The following PCNX2 variants were observed in gnomAD, a reference collection of about 807,000 sequenced individuals.
The protein encoded by PCNX2 is pecanex-like protein 2.
A neutral mutation model predicts 223.8 loss-of-function variants in PCNX2; 168 were observed. The observed-to-expected ratio is 0.75, with a 90% CI of 0.66 to 0.85. PCNX2 has a LOEUF of 0.85. PCNX2 is among the 40% of genes least tolerant of loss of function. The probability of loss-of-function intolerance (pLI) is 0.00; values close to 1 mark genes in which losing one functional copy is unlikely to be tolerated. For missense variants in PCNX2, 2,507 were observed against 2,675.5 expected (o/e 0.94, Z 1.39); for synonymous variants, 1,006 against 1,052.6 (o/e 0.96, Z 0.86).
intron 8 of PCNX2, among the ~76,000 whole-genome samples, chr1:233,246,121 C>T (rs930935160): frequency 1.3e-5 from 2 of 152,102 alleles, no homozygotes; most frequent in South Asian, 2.1e-4. Flanking sequence ...GGGATGAATG[C>T]CCTTCAGATG....
chr1:233,306,590 T>C, the PCNX2 span, among the ~76,000 whole-genome samples: 2 of 152,222 alleles, frequency 1.3e-5, no homozygotes, highest in African/African-American at 2.4e-5. Context: ...TTTTATTGGA[T>C]TGGGAAATAT....
intron 21 of PCNX2, among the ~76,000 whole-genome samples, chr1:233,132,625 G>A (rs1428965980): frequency 6.6e-6 from 1 of 152,208 alleles, no homozygotes; most frequent in Non-Finnish European, 1.5e-5. Flanking sequence ...TGACAGTTCA[G>A]TGTGGAAAAG....
intron 13 of PCNX2, among the ~76,000 whole-genome samples, chr1:233,207,401 C>G (rs939559953): frequency 4.0e-4 from 61 of 152,216 alleles, no homozygotes; most frequent in African/African-American, 1.5e-3. Context: ...GTAGAAGCTG[C>G]CCTTTATCAA....
rs186642276 is a variant in PCNX2 at position 233,208,804 on chromosome 1, C to T, written c.2692-115G>A. ...AACTTATACATATAACACATTTTCC[C>T]CCAAACACCACAATTCATATACAAA... On this transcript the variant is annotated intron_variant, in intron 12 of 33. Coordinates refer to ENST00000258229, the MANE Select transcript of PCNX2 (RefSeq NM_014801.4). The T allele has an allele frequency of 4.1e-5, 22 of 534,570 alleles. No individual in the cohort carries two copies. The African/African-American group carries it at 4.7e-4, about 11-fold the overall frequency. The allele number at this position is 534,570 out of a possible 1,614,324, so 33.1% of individuals were successfully genotyped here.
chr1:233,138,295 T>C (rs1277292918), intron 20 of PCNX2, among the ~76,000 whole-genome samples: 3 of 152,190 alleles, frequency 2.0e-5, no homozygotes, highest in Admixed American at 2.0e-4. Context: ...CTCTGAATTA[T>C]TTATTTGACT....
At chr1:233,261,203 C>T (rs867544292) in intron 4 of PCNX2, 82 bp downstream of exon 4, 1 of 1,254,776 alleles carries the variant, frequency 8.0e-7, no homozygotes. Flanking sequence ...TCAATTAATC[C>T]ACTGGCATTC....
intron 8 of PCNX2, among the ~76,000 whole-genome samples, chr1:233,238,139 G>A (rs1424562681): frequency 6.6e-6 from 1 of 152,116 alleles, no homozygotes; most frequent in Non-Finnish European, 1.5e-5. Context: ...ATACCTTTGG[G>A]CCTCTTGTGT....
At chr1:233,008,058 C>T (rs771535783) in intron 28 of PCNX2, among the ~76,000 whole-genome samples, 1 of 152,208 alleles carries the variant, frequency 6.6e-6, no homozygotes, top group Non-Finnish European at 1.5e-5. Flanking sequence ...AGCCACAATA[C>T]TGAAAGCACT....
intron 23 of PCNX2, among the ~76,000 whole-genome samples, chr1:233,073,899 C>T (rs747077538): frequency 3.0e-4 from 46 of 152,156 alleles, no homozygotes; most frequent in Non-Finnish European, 5.6e-4. Flanking sequence ...CAGTTATAGG[C>T]ATGAACACCA....
At chr1:233,005,612 A>G (rs79774178) in intron 28 of PCNX2, among the ~76,000 whole-genome samples, 6,594 of 152,274 alleles carry the variant, frequency 0.043, 463 homozygotes, top group African/African-American at 0.15. Context: ...TATCCACAGC[A>G]CCTTAGAGAT....
At chr1:232,987,920 C>T (rs990867665) in intron 32 of PCNX2, among the ~76,000 whole-genome samples, 1 of 152,212 alleles carries the variant, frequency 6.6e-6, no homozygotes, top group Non-Finnish European at 1.5e-5. Flanking sequence ...AAGGAGCGCT[C>T]GCCCCACAGT....
At chr1:233,248,554 G>A (rs9650971) in intron 8 of PCNX2, among the ~76,000 whole-genome samples, 11,076 of 152,042 alleles carry the variant, frequency 0.073, 1,009 homozygotes, top group African/African-American at 0.22. Context: ...GAGAGCGATG[G>A]AAATGGCAAA....
intron 25 of PCNX2, among the ~76,000 whole-genome samples, chr1:233,044,508 G>C (rs916739168): frequency 1.3e-5 from 2 of 152,074 alleles, no homozygotes; most frequent in African/African-American, 4.8e-5. Flanking sequence ...TTCCTGACAG[G>C]CTCCCCGTTT....
chr1:233,096,920 AC>A (rs2102950494), intron 21 of PCNX2, among the ~76,000 whole-genome samples: 1 of 152,264 alleles, frequency 6.6e-6, no homozygotes, highest in East Asian at 1.9e-4. Context: ...AGATGAGGTG[AC>A]CCTGATTTGT....
In PCNX2 at chr1:233,198,962, C is replaced by A; in HGVS notation, c.3043G>T (p.Ala1015Ser). The A allele has an allele frequency of 6.2e-7, 1 of 1,605,786 alleles. No individual in the cohort carries two copies. Among genetic ancestry groups the A allele is most frequent in the South Asian group, 1.1e-5 (1 of 89,038 alleles). The change falls in exon 15 of 34, where the codon GCA (alanine) becomes TCA (serine). Residue 1015 changes from alanine (A) to serine (S), a missense_variant. By Grantham distance (99) the Ala-to-Ser change is moderately conservative (BLOSUM62 1). This residue lies in a region of PCNX2 where 1,372 missense variants were observed against 1,509.4 expected (regional missense o/e 0.91). Transcript: ENST00000258229. Reference sequence around the variant, plus strand: ...ACCTTCACTGCACTGAAGCAGACTGCGTGGAGCAGGGCGGCAGCCAAGACG... The same window carrying A: ...ACCTTCACTGCACTGAAGCAGACTGAGTGGAGCAGGGCGGCAGCCAAGACG... ...RSVLAAALLH[A>S]VCFSAVKEPW...
At chr1:233,188,472 T>C (rs1680231510) in intron 15 of PCNX2, among the ~76,000 whole-genome samples, 1 of 152,170 alleles carries the variant, frequency 6.6e-6, no homozygotes, top group Non-Finnish European at 1.5e-5. Context: ...CTCTTCTGAT[T>C]AGGTCAGACC....
intron 22 of PCNX2, chr1:233,095,494 G>T: frequency 2.1e-6 from 1 of 476,672 alleles, no homozygotes; most frequent in Non-Finnish European, 3.8e-6. Flanking sequence ...CCTTAATGCA[G>T]ATCTGGGCAT....
rs114498244 is a variant in PCNX2 at position 233,139,809 on chromosome 1, C to T, written c.3564G>A (p.Gln1188=). 1,333 of 1,613,482 alleles carry T rather than the reference C, an allele frequency of 8.3e-4. 3 individuals are homozygous for T. The African/African-American group carries it at 8.5e-3, about 10-fold the overall frequency. ...MWFERLYVWL[Q]CFEKYILYPA... ...GGTACAAGATGTATTTTTCAAAACACTGAAGCCAAACATAGAGTCTTTCGA... is the reference window on the plus strand; with the variant it reads ...GGTACAAGATGTATTTTTCAAAACATTGAAGCCAAACATAGAGTCTTTCGA... The change falls in exon 20 of 34, where the codon CAG becomes CAA. Residue 1188 remains glutamine (Q), a synonymous_variant. Coordinates refer to ENST00000258229, the MANE Select transcript of PCNX2 (RefSeq NM_014801.4). The surrounding 1 kb of genome is among the most constrained non-coding windows in gnomAD (Gnocchi z 4.4).
intron 21 of PCNX2, 99 bp from the exon 22 acceptor site, chr1:233,095,962 G>T: frequency 1.3e-6 from 1 of 779,046 alleles, no homozygotes; most frequent in Non-Finnish European, 2.1e-6. Context: ...TTAGGAAGGG[G>T]CAGTGAAACT....
Sources: gnomAD v4.1 joint callset for allele counts (sites outside exome capture counted in the v4.1 genomes callset) on GRCh38, gnomAD v4.1.1 for gene constraint, gnomAD v4.1.1 regional missense constraint, Gnocchi (gnomAD v3.1) non-coding constraint, MANE v1.5 for transcripts, NCBI Gene and HGNC (gene_info 2026-07-23, HGNC 2026-07-21) for gene names.